EMG1: variants seen among roughly 807,000 people sequenced by gnomAD.
The protein encoded by EMG1 is EMG1 N1-specific pseudouridine methyltransferase, also known as ribosomal RNA small subunit methyltransferase NEP1.
A neutral mutation model predicts 26.9 loss-of-function variants in EMG1; 24 were observed. The ratio of observed to expected loss-of-function variants is 0.89; its 90% CI spans 0.65 to 1.26. The LOEUF (loss-of-function observed/expected upper bound fraction) is 1.26, where lower values mean the gene tolerates loss of function less well. Among genes scored for constraint, EMG1 ranks in the 50% most tolerant of loss-of-function variants. The pLI, the probability that EMG1 is intolerant of heterozygous loss-of-function variation, is 0.00. For synonymous variants in EMG1, 140 were observed against 112.6 expected, an observed-to-expected ratio of 1.24 and a Z score of -1.54; for missense variants, 299 against 307.6, an observed-to-expected ratio of 0.97 and a Z score of 0.21.
downstream of EMG1, among the ~76,000 whole-genome samples, chr12:6,990,526 A>AAAT (rs782814005): frequency 1.6e-4 from 23 of 144,504 alleles, no homozygotes; most frequent in Middle Eastern, 3.6e-3. Flanking sequence ...AAATTAAAAT[A>AAAT]AAATAAATAA....
chr12:6,973,332 T>C (rs1307310030), intron 1 of EMG1, among the ~76,000 whole-genome samples: 2 of 151,954 alleles, frequency 1.3e-5, no homozygotes, highest in Non-Finnish European at 2.9e-5. Flanking sequence ...CATGCCCAGC[T>C]AATTTTTGTA....
chr12:6,984,182 G>C (rs1555154521), downstream of EMG1, among the ~76,000 whole-genome samples: 1 of 152,156 alleles, frequency 6.6e-6, no homozygotes, highest in Non-Finnish European at 1.5e-5. Context: ...TCTGTAATCT[G>C]GGCATCAACC....
chr12:6,981,223 A>C (rs1946468387), downstream of EMG1: 2 of 1,528,564 alleles, frequency 1.3e-6, no homozygotes, highest in East Asian at 2.3e-5. Flanking sequence ...ATAGCCTTGA[A>C]TCTCCCCACA....
chr12:6,979,419 C>A lies in EMG1; in HGVS notation c.*3610C>A. 7.5e-7 allele frequency: 1 copy of A among 1,339,160 alleles called. No homozygotes were observed. Among genetic ancestry groups the A allele is most frequent in the Non-Finnish European group, 1.1e-6 (1 of 931,170 alleles). The allele number at this position is 1,339,160 out of a possible 1,614,324, so 83.0% of individuals were successfully genotyped here. On this transcript the variant is annotated 3_prime_UTR_variant, in exon 6 of 6. Transcript: ENST00000599672. ...CTATCTGTAGGGATCCTTGCCTGTC[C>A]ATTTTCTAGCTCTGGTGCAGTCATG...
intron 1 of EMG1, among the ~76,000 whole-genome samples, chr12:6,973,398 C>A (rs1224451501): frequency 2.0e-5 from 3 of 151,828 alleles, no homozygotes; most frequent in Non-Finnish European, 4.4e-5. Context: ...GAACTCCTGA[C>A]CTTAAGTGAT....
In EMG1 at chr12:6,976,392, CAG is replaced by C. The variant is rs1454711508; in HGVS notation, c.*586_*587del. On this transcript the variant is annotated 3_prime_UTR_variant, in exon 6 of 6. Coordinates refer to ENST00000599672, the MANE Select transcript of EMG1 (RefSeq NM_006331.8). ...GATAAGGCAATGTGCATGGGGGAAT[CAG>C]AGGGGAGATGTGAGCCCCTCTGCTC... 1 of 153,450 alleles carries C rather than the reference CAG, an allele frequency of 6.5e-6. No homozygotes were observed. Among genetic ancestry groups the C allele is most frequent in the Non-Finnish European group, 1.5e-5 (1 of 68,764 alleles). 9.5% of individuals were successfully genotyped at this position (153,450 alleles called of 1,614,324 possible).
downstream of EMG1, among the ~76,000 whole-genome samples, chr12:6,988,553 G>A (rs1039434990): frequency 1.3e-5 from 2 of 152,130 alleles, no homozygotes; most frequent in Non-Finnish European, 2.9e-5. Flanking sequence ...TTTTGTGGGA[G>A]CCAATGCTTA....
rs782482651 is a variant in EMG1, at chr12:6,973,856, T to C, written c.169-483T>C. 1.9e-4 allele frequency among the ~76,000 whole-genome samples: 29 copies of C among 152,366 alleles called. 1 individual carries two copies. In the South Asian group the frequency reaches 6.0e-3, roughly 32 times the overall value. ...CACGCCCGGCCTTCACATTTCTTGT[T>C]CAGATTTGCAGCTCTTCACTTAGTG... On this transcript the variant is annotated intron_variant, in intron 1 of 5. Coordinates refer to ENST00000599672, the MANE Select transcript of EMG1 (RefSeq NM_006331.8).
At chr12:6,991,863 G>A (rs1946592966), downstream of EMG1, among the ~76,000 whole-genome samples, 1 of 152,042 alleles carries the variant, frequency 6.6e-6, no homozygotes, top group African/African-American at 2.4e-5. Flanking sequence ...CAGCAGAGGC[G>A]GTTTATGCAT....
In EMG1 at chr12:6,977,077, G is replaced by T. The variant is rs1946412217; in HGVS notation, c.*1268G>T. ...TTTCTAATACTATTGTTTTTTTCCA[G>T]TCTGTTGCTCTATTCTGTAACCTGG... is the stretch of plus-strand genomic sequence containing the variant. On this transcript the variant is annotated 3_prime_UTR_variant, in exon 6 of 6. Transcript: ENST00000599672. The surrounding 1 kb of genome is among the most constrained non-coding windows in gnomAD (Gnocchi z 4.5). 3 of 1,070,510 alleles carry T rather than the reference G, an allele frequency of 2.8e-6. No homozygotes were observed. The highest frequency in any genetic ancestry group is 4.8e-5 in the East Asian group (2 of 41,938). 66.3% of individuals were successfully genotyped at this position (1,070,510 alleles called of 1,614,324 possible). A position where few individuals can be genotyped will look rare whatever the true frequency, so the allele number is the denominator to read the frequency against.
At chr12:6,996,999 T>C (rs950516304) in intron 7 of EMG1, among the ~76,000 whole-genome samples, 2 of 145,080 alleles carry the variant, frequency 1.4e-5, no homozygotes, top group Admixed American at 6.7e-5. Context: ...GAGTCTGAAA[T>C]TGATAAATGG....
At chr12:6,981,140 C>T (rs782210792), downstream of EMG1, 24 of 1,613,656 alleles carry the variant, frequency 1.5e-5, no homozygotes, top group Non-Finnish European at 2.0e-5. Context: ...AGGGAAGGAA[C>T]ACCACGTATG....
downstream of EMG1, chr12:6,981,026 T>C (rs781900432): frequency 3.7e-6 from 6 of 1,602,046 alleles, no homozygotes; most frequent in African/African-American, 8.1e-5. Flanking sequence ...TTTCCTGGTA[T>C]GTCAATCAGC....
chr12:6,974,700 A>C lies in EMG1; in HGVS notation c.412+7A>C, dbSNP rs782494758. 1.4e-5 allele frequency: 22 copies of C among 1,613,780 alleles called. No individual in the cohort carries two copies. Among genetic ancestry groups the C allele is most frequent in the Non-Finnish European group, 1.8e-5 (21 of 1,179,866 alleles). On this transcript the variant is annotated splice_region_variant and intron_variant, in intron 3 of 5. Transcript: ENST00000599672. ...CGCTTTTGTGGCCTCATGGGTAAGA[A>C]GCCTTAGAACAAAGTTAGAATGAAC...
At chr12:6,983,325 C>T, downstream of EMG1, 2 of 712,650 alleles carry the variant, frequency 2.8e-6, no homozygotes, top group Middle Eastern at 2.7e-4. Context: ...CAAGTGGGAG[C>T]ATTATAACTT....
chr12:6,974,437 C>T lies in EMG1; in HGVS notation c.267C>T (p.His89=). Residue 89 remains histidine, a synonymous_variant, in exon 2 of 6, where the codon CAC becomes CAT. Transcript: ENST00000599672. ...GGGAAGCGCGGCCAGATATCACCCACCAGGTAACTCCAGGGACAGTGCTCA... is the reference window on the plus strand; with the variant it reads ...GGGAAGCGCGGCCAGATATCACCCATCAGGTAACTCCAGGGACAGTGCTCA... ...DPGEARPDIT[H]QSLLMLMDSP... is the part of the protein sequence containing the mutation. 1.9e-6 allele frequency: 3 copies of T among 1,613,112 alleles called. No homozygotes were observed. Among genetic ancestry groups the T allele is most frequent in the South Asian group, 2.2e-5 (2 of 91,022 alleles).
downstream of EMG1, among the ~76,000 whole-genome samples, chr12:6,982,302 G>T (rs1194090419): frequency 5.3e-5 from 8 of 152,160 alleles, no homozygotes; most frequent in Non-Finnish European, 8.8e-5. Context: ...GCCTCCCAAG[G>T]TGCTGGGATT....
Position 6,976,599 on chromosome 12 carries a change from TGTATTCCC to T in EMG1, c.*791_*798del. The stretch of plus-strand genomic sequence containing the variant: ...AATTAGCTGGGCATGGTGGCGTGCC[TGTATTCCC>T]AGCTACTTGGGAGGCTGAGGCAGGA... On this transcript the variant is annotated 3_prime_UTR_variant, in exon 6 of 6. Transcript: ENST00000599672. 6.5e-6 allele frequency: 1 copy of T among 153,380 alleles called. No homozygotes were observed. Among genetic ancestry groups the T allele is most frequent in the Non-Finnish European group, 1.5e-5 (1 of 68,856 alleles). The allele number at this position is 153,380 out of a possible 1,614,324, so 9.5% of individuals were successfully genotyped here. A position where few individuals can be genotyped will look rare whatever the true frequency, so the allele number is the denominator to read the frequency against.
chr12:6,983,975 T>A (rs1946498204), downstream of EMG1, among the ~76,000 whole-genome samples: 1 of 152,146 alleles, frequency 6.6e-6, no homozygotes, highest in African/African-American at 2.4e-5. Flanking sequence ...AAACCCCGTC[T>A]CTATTAAAAA....
Sources: gnomAD v4.1 joint callset for allele counts (sites outside exome capture counted in the v4.1 genomes callset) on GRCh38, gnomAD v4.1.1 for gene constraint, Gnocchi (gnomAD v3.1) non-coding constraint, MANE v1.5 for transcripts, NCBI Gene and HGNC (gene_info 2026-07-23, HGNC 2026-07-21) for gene names.